The following NPAS2 variants were observed in gnomAD, a reference collection of about 807,000 sequenced individuals.
NPAS2 encodes neuronal PAS domain-containing protein 2.
In NPAS2, 23 loss-of-function variants were observed where a neutral mutation model predicts 107.5. The observed-to-expected ratio is 0.21, with a 90% CI of 0.15 to 0.30. The LOEUF is 0.30. Ranked by LOEUF, NPAS2 falls within the 10% of genes least tolerant of loss-of-function variation. The probability of loss-of-function intolerance (pLI) is 1.00; values close to 1 mark genes in which losing one functional copy is unlikely to be tolerated. For missense variants in NPAS2, 756 were observed against 1,043.3 expected (o/e 0.72, Z 3.79); for synonymous variants, 403 against 417.5 (o/e 0.97, Z 0.42).
chr2:100,942,190 C>T (rs985603550), intron 5 of NPAS2, among the ~76,000 whole-genome samples: 3 of 152,136 alleles, frequency 2.0e-5, no homozygotes, highest in African/African-American at 7.2e-5. Flanking sequence ...AGGTACAAGC[C>T]CCAGCGAGAA....
intron 1 of NPAS2, among the ~76,000 whole-genome samples, chr2:100,894,980 C>T (rs1164478233): frequency 6.6e-6 from 1 of 152,204 alleles, no homozygotes; most frequent in African/African-American, 2.4e-5. Context: ...GGCAAGGTGC[C>T]TTTTAAAATG....
At position 100,839,600 on chromosome 2, in the gene NPAS2, C is replaced by T; in HGVS notation, c.-23+19186C>T. The stretch of plus-strand genomic sequence containing the variant: ...TGTTAATTGACTGTTATCAGTAAGG[C>T]TTCTGGTCAACAGTAGGTTATTCAT... On this transcript the variant is annotated intron_variant, in intron 1 of 20. Coordinates refer to ENST00000335681, the MANE Select transcript of NPAS2 (RefSeq NM_002518.4). Among the ~76,000 whole-genome samples, 2 of 152,088 alleles carry T rather than the reference C, an allele frequency of 1.3e-5. 1 individual carries two copies. The highest frequency in any genetic ancestry group is 1.3e-4 in the Admixed American group (2 of 15,254).
At chr2:100,932,610 T>G (rs1684031142) in intron 3 of NPAS2, among the ~76,000 whole-genome samples, 1 of 152,230 alleles carries the variant, frequency 6.6e-6, no homozygotes, top group Admixed American at 6.5e-5. Context: ...TAATTCCAAC[T>G]GTTGACGATG....
chr2:100,821,285 C>A, intron 1 of NPAS2: 1 of 1,122,728 alleles, frequency 8.9e-7, no homozygotes, highest in Non-Finnish European at 1.2e-6. Flanking sequence ...CTTGAATATA[C>A]GCACGCACTT....
At chr2:100,978,547 A>T (rs1417637644) in intron 15 of NPAS2, among the ~76,000 whole-genome samples, 1 of 149,658 alleles carries the variant, frequency 6.7e-6, no homozygotes, top group Non-Finnish European at 1.5e-5. Context: ...AGAAAGAAAG[A>T]AAGAAAAGAA....
At chr2:100,840,660 G>A (rs1677343677) in intron 1 of NPAS2, among the ~76,000 whole-genome samples, 1 of 151,700 alleles carries the variant, frequency 6.6e-6, no homozygotes, top group African/African-American at 2.4e-5. Flanking sequence ...GCTTTGTTTG[G>A]GGTTTAGAAT....
At chr2:100,856,294 T>G (rs1167229417) in intron 1 of NPAS2, among the ~76,000 whole-genome samples, 1 of 152,196 alleles carries the variant, frequency 6.6e-6, no homozygotes, top group African/African-American at 2.4e-5. Context: ...TTTCCTGAAT[T>G]AAACGTGTGG....
At chr2:100,960,619 G>C (rs373498504) in intron 7 of NPAS2, among the ~76,000 whole-genome samples, 1 of 151,928 alleles carries the variant, frequency 6.6e-6, no homozygotes, top group Non-Finnish European at 1.5e-5. Flanking sequence ...TGTATCAGTC[G>C]GGCAGTGAGC....
At chr2:100,937,277 C>T (rs1367792244) in intron 4 of NPAS2, among the ~76,000 whole-genome samples, 1 of 152,186 alleles carries the variant, frequency 6.6e-6, no homozygotes, top group Non-Finnish European at 1.5e-5. Flanking sequence ...AGAGGCCTGC[C>T]TTGGCCAACA....
chr2:100,826,029 G>T (rs1041288374), intron 1 of NPAS2, among the ~76,000 whole-genome samples: 2 of 152,210 alleles, frequency 1.3e-5, no homozygotes, highest in African/African-American at 4.8e-5. Flanking sequence ...TAGTTTTTCT[G>T]TTGTAGCCAA....
chr2:100,871,608 G>A (rs754780672), intron 1 of NPAS2, among the ~76,000 whole-genome samples: 11 of 152,068 alleles, frequency 7.2e-5, no homozygotes, highest in Non-Finnish European at 1.2e-4. Flanking sequence ...TAGGATTACG[G>A]ATGTGAGCCA....
chr2:100,953,972 C>T (rs955193015), intron 7 of NPAS2, among the ~76,000 whole-genome samples: 10 of 152,186 alleles, frequency 6.6e-5, no homozygotes, highest in Non-Finnish European at 1.5e-4. Flanking sequence ...TTCATGCTCT[C>T]GGGTCCCTGG....
chr2:100,960,768 T>C (rs1025278497), intron 7 of NPAS2, among the ~76,000 whole-genome samples: 13 of 152,084 alleles, frequency 8.5e-5, no homozygotes, highest in African/African-American at 3.1e-4. Context: ...GTCTGTGTGC[T>C]AGTTGCTGGC....
At chr2:100,832,123 C>T (rs1676779638) in intron 1 of NPAS2, among the ~76,000 whole-genome samples, 1 of 152,110 alleles carries the variant, frequency 6.6e-6, no homozygotes, top group Non-Finnish European at 1.5e-5. Context: ...CCTGCGATCC[C>T]CGCTGAATCC....
chr2:100,908,503 G>A lies in NPAS2; in HGVS notation c.32+3717G>A, dbSNP rs116536158. ...TTCTAAAGTCTGGGCTCCTAACAGC[G>A]TCTGTGACATTCAGTAAATGGAAGC... is the stretch of plus-strand genomic sequence containing the variant. On this transcript the variant is annotated intron_variant, in intron 2 of 20. Coordinates refer to ENST00000335681, the MANE Select transcript of NPAS2 (RefSeq NM_002518.4). 6.4e-3 allele frequency among the ~76,000 whole-genome samples: 969 copies of A among 152,222 alleles called. 7 individuals are homozygous for A. The highest frequency in any genetic ancestry group is 0.014 in the Admixed American group (213 of 15,290).
At chr2:100,884,689 G>T (rs917067042) in intron 1 of NPAS2, among the ~76,000 whole-genome samples, 12 of 152,018 alleles carry the variant, frequency 7.9e-5, no homozygotes, top group Middle Eastern at 3.2e-3. Flanking sequence ...AGTCAGCCTG[G>T]GGTCCTTCTT....
rs140816889 is a variant in NPAS2, at chr2:100,953,516, CAA to C, written c.598+4042_598+4043del. The stretch of plus-strand genomic sequence containing the variant: ...GAATAAACATTGAACAATGAGGTAA[CAA>C]AAAAAGCTCACCCTAGGAGTGCTTT... On this transcript the variant is annotated intron_variant, in intron 7 of 20. Transcript: ENST00000335681. Among the ~76,000 whole-genome samples, 663 of 151,804 alleles carry C rather than the reference CAA, an allele frequency of 4.4e-3. 7 individuals carry two copies. Among genetic ancestry groups the C allele is most frequent in the African/African-American group, 0.015 (621 of 41,396 alleles).
At chr2:100,944,140 C>T (rs1407028714) in intron 5 of NPAS2, among the ~76,000 whole-genome samples, 1 of 152,154 alleles carries the variant, frequency 6.6e-6, no homozygotes, top group African/African-American at 2.4e-5. Flanking sequence ...AATATGCCTC[C>T]AACTTCCTGG....
Position 100,848,233 on chromosome 2 carries a change from C to T in NPAS2, c.-23+27819C>T, listed in dbSNP as rs190913325. 3.0e-3 allele frequency among the ~76,000 whole-genome samples: 455 copies of T among 152,194 alleles called. 6 individuals carry two copies. The highest frequency in any genetic ancestry group is 2.8e-3 in the Non-Finnish European group (189 of 68,014). ...TTGCAAAGACCCTGGTTACAAAGTC[C>T]GGTGGGTCCTCAGTGGTCTGCCCAG... On this transcript the variant is annotated intron_variant, in intron 1 of 20. Coordinates refer to ENST00000335681, the MANE Select transcript of NPAS2 (RefSeq NM_002518.4).
Sources: gnomAD v4.1 joint callset for allele counts (sites outside exome capture counted in the v4.1 genomes callset) on GRCh38, gnomAD v4.1.1 for gene constraint, MANE v1.5 for transcripts, NCBI Gene and HGNC (gene_info 2026-07-23, HGNC 2026-07-21) for gene names.